Variants in MDM2 observed in about 807,000 individuals in gnomAD.
MDM2 encodes the protein E3 ubiquitin-protein ligase Mdm2.
Under a neutral mutation model 64.3 loss-of-function variants are expected in MDM2, and 11 were observed. The ratio of observed to expected loss-of-function variants is 0.17; its 90% CI spans 0.11 to 0.28. The LOEUF is 0.28. Among genes scored for constraint, MDM2 ranks in the 10% least tolerant of loss-of-function variants. The pLI is 1.00. For missense variants in MDM2, 388 were observed against 577.1 expected (o/e 0.67, Z 3.36); for synonymous variants, 194 against 192.9 (o/e 1.01, Z -0.05).
intron 1 of MDM2, chr12:68,808,984 G>T: frequency 7.0e-7 from 1 of 1,429,598 alleles, no homozygotes; most frequent in Non-Finnish European, 9.1e-7. Flanking sequence ...CTTGTCTCCA[G>T]CTGGGGCTAT....
At position 68,808,388 on chromosome 12, in the gene MDM2, C is replaced by T; in HGVS notation, c.-90C>T. ...CCTGGCCCGGAGAGTGGAATGATCC[C>T]CGAGGCCCAGGGCGTCGTGCTTCCG... On this transcript the variant is annotated 5_prime_UTR_variant, in exon 1 of 11. Coordinates refer to ENST00000258149, the MANE Select transcript of MDM2 (RefSeq NM_002392.6). The T allele has an allele frequency of 6.4e-7, 1 of 1,572,610 alleles. No individual in the cohort carries two copies. Among genetic ancestry groups the T allele is most frequent in the Non-Finnish European group, 8.7e-7 (1 of 1,144,638 alleles).
In MDM2 at chr12:68,828,848, G is replaced by A. The variant is rs763423670; in HGVS notation, c.601G>A (p.Glu201Lys). ...TGATAGTATTTCCCTTTCCTTTGAT[G>A]AAAGCCTGGCTCTGTGTGTAATAAG... Reference protein sequence around the residue: ...KSDSISLSFDESLALCVIREI... With the variant: ...KSDSISLSFDKSLALCVIREI... Residue 201 changes from glutamate to lysine, a missense_variant, in exon 8 of 11, where the codon GAA (glutamate) becomes AAA (lysine). Coordinates refer to ENST00000258149, the MANE Select transcript of MDM2 (RefSeq NM_002392.6). The A allele has an allele frequency of 6.2e-7, 1 of 1,614,000 alleles. No homozygotes were observed. The highest frequency in any genetic ancestry group is 1.7e-5 in the Admixed American group (1 of 60,004).
chr12:68,836,478 C>CT lies in MDM2; in HGVS notation c.841-190dup, dbSNP rs1412619983. The CT allele has an allele frequency of 1.3e-5, 6 of 476,734 alleles. No homozygotes were observed. In the Middle Eastern group the frequency reaches 3.4e-3, roughly 267 times the overall value. 29.5% of individuals were successfully genotyped at this position (476,734 alleles called of 1,614,324 possible). A position where few individuals can be genotyped will look rare whatever the true frequency, so the allele number is the denominator to read the frequency against. The stretch of plus-strand genomic sequence containing the variant: ...TCATCCTAAACATCCTTTGTATTGA[C>CT]TTTTACCATTGTGGGTAAGGATTTC... On this transcript the variant is annotated intron_variant, in intron 9 of 10. Transcript: ENST00000258149.
intron 9 of MDM2, 31 bp downstream of exon 9, chr12:68,836,015 G>T: frequency 6.6e-7 from 1 of 1,505,510 alleles, no homozygotes; most frequent in Non-Finnish European, 9.0e-7. Context: ...TAATTATATT[G>T]GAAAATTATT....
At chr12:68,813,927 A>G (rs908971473) in intron 3 of MDM2, among the ~76,000 whole-genome samples, 9 of 152,272 alleles carry the variant, frequency 5.9e-5, no homozygotes, top group African/African-American at 2.2e-4. Flanking sequence ...ATGAAATAAA[A>G]TGTATAGAAT....
chr12:68,823,501 A>C (rs768809435), intron 5 of MDM2, among the ~76,000 whole-genome samples: 2 of 152,214 alleles, frequency 1.3e-5, no homozygotes, highest in South Asian at 4.1e-4. Flanking sequence ...CTTGCCTTCT[A>C]TATCAAATAC....
At position 68,842,117 on chromosome 12, in the gene MDM2, T is replaced by C; in HGVS notation, c.*2268T>C. ...GCTAATAATGAGCTTACAGTGGATT[T>C]GAATTTGAAAAATATAGTAACAAGC... On this transcript the variant is annotated 3_prime_UTR_variant, in exon 11 of 11. Transcript: ENST00000258149. The C allele has an allele frequency of 2.3e-6, 1 of 430,310 alleles. No homozygotes were observed. Among genetic ancestry groups the C allele is most frequent in the East Asian group, 4.5e-5 (1 of 22,308 alleles). The allele number at this position is 430,310 out of a possible 1,614,324, so 26.7% of individuals were successfully genotyped here.
intron 3 of MDM2, chr12:68,815,480 T>G (rs1242900249): frequency 6.8e-6 from 1 of 146,928 alleles, no homozygotes; most frequent in Non-Finnish European, 1.5e-5. Context: ...CTCACTCTCT[T>G]GCCCAGGCTG....
chr12:68,817,414 A>G (rs1252332271), intron 4 of MDM2, among the ~76,000 whole-genome samples: 1 of 152,182 alleles, frequency 6.6e-6, no homozygotes, highest in Non-Finnish European at 1.5e-5. Flanking sequence ...ATTGTCACCT[A>G]TCATTATGGC....
rs371087026 is a variant in MDM2 at position 68,816,865 on chromosome 12, G to A, written c.228G>A (p.Lys76=). 6.2e-7 allele frequency: 1 copy of A among 1,609,778 alleles called. No individual in the cohort carries two copies. Among genetic ancestry groups the A allele is most frequent in the Non-Finnish European group, 8.5e-7 (1 of 1,177,578 alleles). Reference sequence around the variant, plus strand: ...TGACTAAACGATTATATGATGAGAAGCAACAACATATTGTATATTGTTCAA... The same window carrying A: ...TGACTAAACGATTATATGATGAGAAACAACAACATATTGTATATTGTTCAA... The part of the protein sequence containing the change: ...YIMTKRLYDE[K]QQHIVYCSND... The change falls in exon 4 of 11, where the codon AAG becomes AAA. Residue 76 remains lysine (K), a synonymous_variant. Transcript: ENST00000258149.
chr12:68,836,873 G>T, intron 10 of MDM2, 124 bp downstream of exon 10: 3 of 579,984 alleles, frequency 5.2e-6, no homozygotes, highest in Non-Finnish European at 8.9e-6. Context: ...TGTAAAGTCT[G>T]AATAATTTAA....
intron 7 of MDM2, among the ~76,000 whole-genome samples, chr12:68,825,108 T>A (rs1373935123): frequency 6.6e-6 from 1 of 151,690 alleles, no homozygotes; most frequent in African/African-American, 2.4e-5. Flanking sequence ...ACTCAGGAGG[T>A]TGAGGAAGGA....
chr12:68,820,676 A>T (rs1206926703), intron 5 of MDM2, among the ~76,000 whole-genome samples: 1 of 152,212 alleles, frequency 6.6e-6, no homozygotes, highest in South Asian at 2.1e-4. Flanking sequence ...TTGAAAATGT[A>T]TTGAAAGGCT....
intron 2 of MDM2, among the ~76,000 whole-genome samples, chr12:68,811,452 T>C (rs886725331): frequency 6.6e-6 from 1 of 152,154 alleles, no homozygotes; most frequent in Non-Finnish European, 1.5e-5. Flanking sequence ...TTCTTCTAGA[T>C]TTAAATTTTT....
At chr12:68,808,529 G>T (rs1257855208) in intron 1 of MDM2, 38 bp downstream of exon 1, 1 of 1,613,606 alleles carries the variant, frequency 6.2e-7, no homozygotes, top group African/African-American at 1.3e-5. Context: ...TTTGGGTCTG[G>T]GCTCTGACGG....
chr12:68,815,730 A>T, intron 3 of MDM2: 1 of 276,954 alleles, frequency 3.6e-6, no homozygotes, highest in Non-Finnish European at 7.4e-6. Context: ...GGTGTGAGCC[A>T]CTGTGCCCAA....
At chr12:68,838,687 A>G (rs933124013) in intron 10 of MDM2, among the ~76,000 whole-genome samples, 1 of 152,176 alleles carries the variant, frequency 6.6e-6, no homozygotes. Flanking sequence ...TTGAGCCTTT[A>G]AGGGAGTGGA....
At position 68,830,964 on chromosome 12, in the gene MDM2, G is replaced by T. The variant is rs184377190; in HGVS notation, c.684+2033G>T. ...GATCTGCCTGCCTTGGCCTCCCAAA[G>T]TGTTGGGATTACAGATGTGAGCCAC... is the stretch of plus-strand genomic sequence containing the variant. On this transcript the variant is annotated intron_variant, in intron 8 of 10. Transcript: ENST00000258149. 1.8e-4 allele frequency among the ~76,000 whole-genome samples: 28 copies of T among 152,310 alleles called. No homozygotes were observed. In the East Asian group the frequency reaches 4.4e-3, roughly 24 times the overall value.
At chr12:68,849,906 C>T (rs1884585201), downstream of MDM2, 2 of 152,298 alleles carry the variant, frequency 1.3e-5, no homozygotes, top group Admixed American at 1.3e-4. Context: ...AGTCACTACG[C>T]TTGGTAGACT....
Sources: allele counts gnomAD v4.1 joint callset (sites outside exome capture counted in the v4.1 genomes callset), GRCh38; gene constraint gnomAD v4.1.1; transcripts MANE v1.5; gene names NCBI Gene and HGNC (gene_info 2026-07-23, HGNC 2026-07-21).